Variants in ITGB5 observed in about 807,000 individuals in gnomAD.
ITGB5 encodes the protein integrin beta-5.
ITGB5 carries 38 observed loss-of-function variants against 84.8 expected under a neutral mutation model. The observed-to-expected ratio is 0.45, with a 90% CI of 0.35 to 0.59. The LOEUF is 0.59. Among genes scored for constraint, ITGB5 ranks in the 20% least tolerant of loss-of-function variants. The pLI, the probability that ITGB5 is intolerant of heterozygous loss-of-function variation, is 0.01. For synonymous variants in ITGB5, 393 were observed against 414.4 expected, an observed-to-expected ratio of 0.95 and a Z score of 0.63; for missense variants, 905 against 1,034.5, an observed-to-expected ratio of 0.87 and a Z score of 1.72.
chr3:124,766,208 C>CAGGG lies in ITGB5; in HGVS notation c.2137+17_2137+18insCCCT. 6.2e-7 allele frequency: 1 copy of CAGGG among 1,611,322 alleles called. No homozygotes were observed. On this transcript the variant is annotated intron_variant, in intron 13 of 14. Transcript: ENST00000296181. ...GAGGGCTGGCTGAGTGGGCCGAGCC[C>CAGGG]TTGCAGCCCTCACCTACCTGGCTCC...
At chr3:124,851,495 G>A (rs2065153244) in intron 3 of ITGB5, among the ~76,000 whole-genome samples, 1 of 152,000 alleles carries the variant, frequency 6.6e-6, no homozygotes, top group Admixed American at 6.6e-5. Context: ...CAGACATGAG[G>A]GCTGAGGGAA....
chr3:124,871,025 G>T (rs1934004636), intron 2 of ITGB5, among the ~76,000 whole-genome samples: 1 of 152,048 alleles, frequency 6.6e-6, no homozygotes, highest in African/African-American at 2.4e-5. Context: ...AAGTAGCTGG[G>T]ACTACAGGCA....
chr3:124,893,885 G>A (rs1935047587), intron 1 of ITGB5, among the ~76,000 whole-genome samples: 1 of 152,094 alleles, frequency 6.6e-6, no homozygotes, highest in African/African-American at 2.4e-5. Flanking sequence ...CTCTTAATGT[G>A]CAAATGTAGC....
chr3:124,859,209 C>G, intron 3 of ITGB5, 33 bp downstream of exon 3: 1 of 1,600,644 alleles, frequency 6.2e-7, no homozygotes, highest in Non-Finnish European at 8.5e-7. Context: ...TTCCTGATCC[C>G]AGAGCATCCA....
chr3:124,799,414 G>C (rs1310529850), intron 9 of ITGB5, among the ~76,000 whole-genome samples: 1 of 152,158 alleles, frequency 6.6e-6, no homozygotes, highest in Non-Finnish European at 1.5e-5. Context: ...CAAAAAATTA[G>C]CCGGGCATTT....
At chr3:124,806,889 C>T (rs1039281017) in intron 9 of ITGB5, among the ~76,000 whole-genome samples, 2 of 151,172 alleles carry the variant, frequency 1.3e-5, no homozygotes, top group African/African-American at 4.9e-5. Flanking sequence ...TAAAAATAAA[C>T]AGTAAAATGT....
chr3:124,810,325 C>T (rs150875882), intron 8 of ITGB5, among the ~76,000 whole-genome samples: 3 of 152,072 alleles, frequency 2.0e-5, no homozygotes, highest in East Asian at 1.9e-4. Flanking sequence ...TGAGGGATTG[C>T]GATGGAAGAG....
intron 9 of ITGB5, among the ~76,000 whole-genome samples, chr3:124,800,711 A>T (rs2107524331): frequency 6.6e-6 from 1 of 152,260 alleles, no homozygotes; most frequent in South Asian, 2.1e-4. Flanking sequence ...CAGCAAGGAA[A>T]TCTGTTTGCT....
intron 1 of ITGB5, among the ~76,000 whole-genome samples, chr3:124,876,301 T>C (rs749048668): frequency 6.6e-6 from 1 of 151,266 alleles, no homozygotes; most frequent in Non-Finnish European, 1.5e-5. Flanking sequence ...TCCATAAAGC[T>C]GGAAAAAGAA....
At chr3:124,806,315 C>A (rs1049905543) in intron 9 of ITGB5, among the ~76,000 whole-genome samples, 15 of 152,114 alleles carry the variant, frequency 9.9e-5, no homozygotes, top group African/African-American at 3.6e-4. Context: ...GGTATATTTC[C>A]CACATTATCC....
chr3:124,871,645 G>A (rs1407598708), intron 2 of ITGB5, among the ~76,000 whole-genome samples: 1 of 152,014 alleles, frequency 6.6e-6, no homozygotes, highest in Non-Finnish European at 1.5e-5. Flanking sequence ...GGGAAACATA[G>A]AGAGATCCCA....
At chr3:124,813,053 C>T (rs1164489762) in intron 8 of ITGB5, among the ~76,000 whole-genome samples, 3 of 152,096 alleles carry the variant, frequency 2.0e-5, no homozygotes, top group Admixed American at 6.5e-5. Context: ...GGACTCTGGC[C>T]GGATGCGGAG....
At chr3:124,874,306 G>GAAAAAAAAAAAAAAA (rs59287818) in intron 1 of ITGB5, among the ~76,000 whole-genome samples, 1 of 113,388 alleles carries the variant, frequency 8.8e-6, no homozygotes, top group African/African-American at 3.5e-5. Flanking sequence ...TCAAAAGCCG[G>GAAAAAAAAAAAAAAA]AAAAAAAAAA....
chr3:124,853,613 T>C (rs1029305238), intron 3 of ITGB5, among the ~76,000 whole-genome samples: 2 of 152,164 alleles, frequency 1.3e-5, no homozygotes, highest in Non-Finnish European at 2.9e-5. Context: ...GGCAACTTTA[T>C]TGCAGAAGCA....
At chr3:124,764,632 TG>T (rs2063741803) in intron 13 of ITGB5, 75 bp from the exon 14 acceptor site, 17 of 1,478,228 alleles carry the variant, frequency 1.2e-5, no homozygotes, top group African/African-American at 1.4e-5. Context: ...CAGGCATTTC[TG>T]AGATGAAAGT....
chr3:124,858,980 G>T (rs866574530), intron 3 of ITGB5, among the ~76,000 whole-genome samples: 1 of 152,086 alleles, frequency 6.6e-6, no homozygotes, highest in Non-Finnish European at 1.5e-5. Flanking sequence ...ACTTGAAAAC[G>T]CTTAAATGGT....
At chr3:124,880,162 A>G (rs1934505601) in intron 1 of ITGB5, among the ~76,000 whole-genome samples, 1 of 152,208 alleles carries the variant, frequency 6.6e-6, no homozygotes, top group African/African-American at 2.4e-5. Context: ...CAAGGAAAAG[A>G]CTGAGAAACT....
At chr3:124,831,761 T>A (rs1416738385) in intron 5 of ITGB5, among the ~76,000 whole-genome samples, 1 of 152,168 alleles carries the variant, frequency 6.6e-6, no homozygotes, top group Non-Finnish European at 1.5e-5. Context: ...AAGACTGTTA[T>A]CAACGCAGCC....
intron 2 of ITGB5, among the ~76,000 whole-genome samples, chr3:124,863,668 G>A (rs1205528465): frequency 6.6e-6 from 1 of 152,142 alleles, no homozygotes; most frequent in East Asian, 1.9e-4. Context: ...ACAAGCATGT[G>A]CTACTATGCC....
Sources: gnomAD v4.1 joint callset for allele counts (sites outside exome capture counted in the v4.1 genomes callset) on GRCh38, gnomAD v4.1.1 for gene constraint, MANE v1.5 for transcripts, NCBI Gene and HGNC (gene_info 2026-07-23, HGNC 2026-07-21) for gene names.